The following ZNF780B variants were observed in gnomAD, a reference collection of about 807,000 sequenced individuals.
ZNF780B encodes the protein zinc finger protein 779.
Under a neutral mutation model 74.1 loss-of-function variants are expected in ZNF780B, and 52 were observed. That is an observed-to-expected ratio of 0.70 (90% CI 0.56 to 0.88). ZNF780B has a LOEUF of 0.88. Ranked by LOEUF, ZNF780B falls within the 40% of genes least tolerant of loss-of-function variation. The pLI, the probability that ZNF780B is intolerant of heterozygous loss-of-function variation, is 0.00. For synonymous variants in ZNF780B, 315 were observed against 324.3 expected, an observed-to-expected ratio of 0.97 and a Z score of 0.31; for missense variants, 953 against 1,007.6, an observed-to-expected ratio of 0.95 and a Z score of 0.73.
At chr19:40,045,369 G>C (rs1016894787) in intron 4 of ZNF780B, among the ~76,000 whole-genome samples, 1 of 152,164 alleles carries the variant, frequency 6.6e-6, no homozygotes, top group African/African-American at 2.4e-5. Context: ...TATACTGTTG[G>C]TGGGATATAA....
Position 40,048,777 on chromosome 19 carries a change from T to C in ZNF780B, c.29A>G (p.Asp10Gly). Residue 10 changes from aspartate (D) to glycine (G), a missense_variant, in exon 3 of 5, where the codon GAT (aspartate) becomes GGT (glycine). Asp to Gly is a moderately conservative substitution (Grantham distance 94, BLOSUM62 -1). Coordinates refer to ENST00000434248, the MANE Select transcript of ZNF780B (RefSeq NM_001005851.3). Reference protein sequence around the residue: MVHGSVTFRDVAIDFSQEEW... With the variant: MVHGSVTFRGVAIDFSQEEW... Reference sequence around the variant, plus strand: ...CTCCTGAGAGAAGTCAATGGCCACATCCCTGAATGTCACTGATCCCTGAAA... The same window carrying C: ...CTCCTGAGAGAAGTCAATGGCCACACCCCTGAATGTCACTGATCCCTGAAA... 2.5e-6 allele frequency: 4 copies of C among 1,614,132 alleles called. No individual in the cohort carries two copies. Among genetic ancestry groups the C allele is most frequent in the Non-Finnish European group, 3.4e-6 (4 of 1,180,020 alleles).
At position 40,028,519 on chromosome 19, in the gene ZNF780B, C is replaced by T. The variant is rs1006318736; in HGVS notation, c.*5838G>A. ...ATAGACACTCTGTTCTCTACAGATCCGTGCTTTGGAATTACAGAACATAAA... is the reference window on the plus strand; with the variant it reads ...ATAGACACTCTGTTCTCTACAGATCTGTGCTTTGGAATTACAGAACATAAA... On this transcript the variant is annotated 3_prime_UTR_variant, in exon 5 of 5. Coordinates refer to ENST00000434248, the MANE Select transcript of ZNF780B (RefSeq NM_001005851.3). The T allele has an allele frequency of 3.3e-5, 5 of 152,068 alleles. No individual in the cohort carries two copies. The highest frequency in any genetic ancestry group is 1.9e-4 in the East Asian group (1 of 5,192). The allele number at this position is 152,068 out of a possible 1,614,324, so 9.4% of individuals were successfully genotyped here. A position where few individuals can be genotyped will look rare whatever the true frequency, so the allele number is the denominator to read the frequency against.
At chr19:40,048,464 A>G (rs956999053) in intron 3 of ZNF780B, among the ~76,000 whole-genome samples, 7 of 152,358 alleles carry the variant, frequency 4.6e-5, no homozygotes, top group Middle Eastern at 3.4e-3. Context: ...GATGACCAGC[A>G]TAATGGAGGA....
Position 40,050,313 on chromosome 19 carries a change from C to T in ZNF780B, c.9+11G>A. On this transcript the variant is annotated intron_variant, in intron 2 of 4. Coordinates refer to ENST00000434248, the MANE Select transcript of ZNF780B (RefSeq NM_001005851.3). Reference sequence around the variant, plus strand: ...TCACCATATTTCAAGAAGACAGAAACACCAACTTACATGGACCATGTTTCT... The same window carrying T: ...TCACCATATTTCAAGAAGACAGAAATACCAACTTACATGGACCATGTTTCT... 6.3e-7 allele frequency: 1 copy of T among 1,589,998 alleles called. No homozygotes were observed. The highest frequency in any genetic ancestry group is 8.5e-7 in the Non-Finnish European group (1 of 1,174,748).
chr19:40,029,698 G>A lies in ZNF780B; in HGVS notation c.*4659C>T, dbSNP rs1424502969. 1 of 152,220 alleles carries A rather than the reference G, an allele frequency of 6.6e-6. No homozygotes were observed. The highest frequency in any genetic ancestry group is 1.9e-4 in the East Asian group (1 of 5,184). The allele number at this position is 152,220 out of a possible 1,614,324, so 9.4% of individuals were successfully genotyped here. On this transcript the variant is annotated 3_prime_UTR_variant, in exon 5 of 5. Coordinates refer to ENST00000434248, the MANE Select transcript of ZNF780B (RefSeq NM_001005851.3). ...TCTTTTTTCCTCTAAAAGGAACCAG[G>A]ACTCCCTAAGATAAGAGGGTATTAA...
In ZNF780B at chr19:40,035,126, A is replaced by C. The variant is rs1463362411; in HGVS notation, c.1733T>G (p.Ile578Ser). 6.2e-6 allele frequency: 10 copies of C among 1,613,516 alleles called. No individual in the cohort carries two copies. In the East Asian group the frequency reaches 8.9e-5, roughly 14 times the overall value. Residue 578 changes from isoleucine to serine, a missense_variant, in exon 5 of 5, where the codon ATT becomes AGT. Physicochemically the swap from Ile to Ser is moderately radical, Grantham distance 142. Coordinates refer to ENST00000434248, the MANE Select transcript of ZNF780B (RefSeq NM_001005851.3). ...TTCAAAGGGTTTCTTTCCGGTATGA[A>C]TACTTCGATGTTGATTAAGATTTGA... ...RGSNLNQHRS[I>S]HTGKKPFECK...
In ZNF780B at chr19:40,029,911, AAATAAT is replaced by A. The variant is rs1453190220; in HGVS notation, c.*4440_*4445del. 6.6e-6 allele frequency: 1 copy of A among 152,242 alleles called. No homozygotes were observed. Among genetic ancestry groups the A allele is most frequent in the Non-Finnish European group, 1.5e-5 (1 of 68,044 alleles). 9.4% of individuals were successfully genotyped at this position (152,242 alleles called of 1,614,324 possible). ...GGCCACATTATGTCAATTTGAGCAT[AAATAAT>A]AATAATTACTACAGGTGCTTCTCAA... is the stretch of plus-strand genomic sequence containing the variant. On this transcript the variant is annotated 3_prime_UTR_variant, in exon 5 of 5. Transcript: ENST00000434248.
chr19:40,035,838 C>T lies in ZNF780B; in HGVS notation c.1021G>A (p.Ala341Thr). Reference protein sequence around the residue: ...KPFECKECRKAFTLLTKLVRH... With the variant: ...KPFECKECRKTFTLLTKLVRH... The stretch of plus-strand genomic sequence containing the variant: ...ACAAGCTTTGTCAGAAGAGTAAAGG[C>T]CTTTCTGCATTCTTTACATTCAAAG... Residue 341 changes from alanine (A) to threonine (T), a missense_variant, in exon 5 of 5, where the codon GCC becomes ACC. Transcript: ENST00000434248. The T allele has an allele frequency of 6.2e-7, 1 of 1,613,934 alleles. No individual in the cohort carries two copies. Among genetic ancestry groups the T allele is most frequent in the Non-Finnish European group, 8.5e-7 (1 of 1,180,000 alleles).
chr19:40,036,126 C>T lies in ZNF780B; in HGVS notation c.733G>A (p.Val245Ile). 3 of 1,613,830 alleles carry T rather than the reference C, an allele frequency of 1.9e-6. No individual in the cohort carries two copies. The Admixed American group carries it at 5.0e-5, about 27-fold the overall frequency. Reference sequence around the variant, plus strand: ...TCCTTACATTCAAACAGTTTCTTAACTGTGTGAATGTTCTTATGGCGATTA... The same window carrying T: ...TCCTTACATTCAAACAGTTTCTTAATTGTGTGAATGTTCTTATGGCGATTA... ...QLNRHKNIHT[V>I]KKLFECKECG... The change falls in exon 5 of 5, where the codon GTT (valine) becomes ATT (isoleucine). Residue 245 changes from valine to isoleucine, a missense_variant. By Grantham distance (29) the Val-to-Ile change is conservative. Transcript: ENST00000434248.
chr19:40,052,095 T>C (rs1369821677), intron 1 of ZNF780B, among the ~76,000 whole-genome samples: 1 of 152,230 alleles, frequency 6.6e-6, no homozygotes, highest in African/African-American at 2.4e-5. Flanking sequence ...GATTTCCATA[T>C]TACAGGACAC....
intron 4 of ZNF780B, 36 bp from the exon 5 acceptor site, chr19:40,036,662 TC>T: frequency 7.6e-7 from 1 of 1,309,312 alleles, no homozygotes; most frequent in Admixed American, 2.8e-5. Flanking sequence ...TATTTTATTT[TC>T]CTATAACATA....
Position 40,036,120 on chromosome 19 carries a change from T to G in ZNF780B, c.739A>C (p.Lys247Gln), listed in dbSNP as rs781401868. 2 of 1,613,952 alleles carry G rather than the reference T, an allele frequency of 1.2e-6. No individual in the cohort carries two copies. Among genetic ancestry groups the G allele is most frequent in the Non-Finnish European group, 1.7e-6 (2 of 1,179,930 alleles). ...NRHKNIHTVK[K>Q]LFECKECGKS... is the part of the protein sequence containing the mutation. ...CCACATTCCTTACATTCAAACAGTT[T>G]CTTAACTGTGTGAATGTTCTTATGG... The change falls in exon 5 of 5, where the codon AAA (lysine) becomes CAA (glutamine). Residue 247 changes from lysine (K) to glutamine (Q), a missense_variant. By Grantham distance (53) the Lys-to-Gln change is moderately conservative. Coordinates refer to ENST00000434248, the MANE Select transcript of ZNF780B (RefSeq NM_001005851.3).
At chr19:40,049,177 C>T (rs1350437698) in intron 2 of ZNF780B, 8 of 169,640 alleles carry the variant, frequency 4.7e-5, no homozygotes, top group East Asian at 1.8e-4. Context: ...AATGCTGCAG[C>T]GAAGTGTGAT....
At position 40,031,133 on chromosome 19, in the gene ZNF780B, T is replaced by A. The variant is rs1971983985; in HGVS notation, c.*3224A>T. 6.6e-6 allele frequency: 1 copy of A among 152,236 alleles called. No homozygotes were observed. The highest frequency in any genetic ancestry group is 1.9e-4 in the East Asian group (1 of 5,204). The allele number at this position is 152,236 out of a possible 1,614,324, so 9.4% of individuals were successfully genotyped here. A position where few individuals can be genotyped will look rare whatever the true frequency, so the allele number is the denominator to read the frequency against. On this transcript the variant is annotated 3_prime_UTR_variant, in exon 5 of 5. Transcript: ENST00000434248. ...ATATAAATTATCACTTTATAGATTT[T>A]TCAACACAATGGAATAAAATCACAA...
At chr19:40,047,621 T>C (rs568684722) in intron 3 of ZNF780B, 151 bp from the exon 4 acceptor site, 1 of 450,930 alleles carries the variant, frequency 2.2e-6, no homozygotes, top group Admixed American at 4.0e-5. Flanking sequence ...GGATCAACTA[T>C]GTTTAAAAAA....
At chr19:40,055,901 A>T (rs1973477337) in intron 1 of ZNF780B, 1 of 153,718 alleles carries the variant, frequency 6.5e-6, no homozygotes. Context: ...ACACTCACAC[A>T]GCCCCAGCAA....
At chr19:40,041,760 T>C (rs1052370009) in intron 4 of ZNF780B, among the ~76,000 whole-genome samples, 4 of 152,226 alleles carry the variant, frequency 2.6e-5, no homozygotes, top group African/African-American at 9.6e-5. Flanking sequence ...ATTTTCTTGG[T>C]AGATCTTCCT....
chr19:40,033,835 A>G lies in ZNF780B; in HGVS notation c.*522T>C. 1 of 191,912 alleles carries G rather than the reference A, an allele frequency of 5.2e-6. No individual in the cohort carries two copies. The highest frequency in any genetic ancestry group is 1.1e-5 in the Non-Finnish European group (1 of 89,736). 11.9% of individuals were successfully genotyped at this position (191,912 alleles called of 1,614,324 possible). A position where few individuals can be genotyped will look rare whatever the true frequency, so the allele number is the denominator to read the frequency against. ...GAACTAAGTCTAAAGGTCTTCCCAC[A>G]TCCTTTACATTCACAGGGTTGCTCA... On this transcript the variant is annotated 3_prime_UTR_variant, in exon 5 of 5. Coordinates refer to ENST00000434248, the MANE Select transcript of ZNF780B (RefSeq NM_001005851.3).
In ZNF780B at chr19:40,036,624, A is replaced by T; in HGVS notation, c.235T>A (p.Leu79Met). 6.6e-7 allele frequency: 1 copy of T among 1,514,936 alleles called. No homozygotes were observed. Among genetic ancestry groups the T allele is most frequent in the East Asian group, 2.3e-5 (1 of 43,370 alleles). 93.8% of individuals were successfully genotyped at this position (1,514,936 alleles called of 1,614,324 possible). A position where few individuals can be genotyped will look rare whatever the true frequency, so the allele number is the denominator to read the frequency against. Residue 79 changes from leucine (L) to methionine (M), a missense_variant and splice_region_variant, in exon 5 of 5, where the codon TTG becomes ATG. Leu to Met is a conservative substitution (Grantham distance 15, BLOSUM62 2). Coordinates refer to ENST00000434248, the MANE Select transcript of ZNF780B (RefSeq NM_001005851.3). ...TTCTCAGGTCCATATTTTGACTCCA[A>T]ATCTGAAAGAAATGAAGAAGGCAAA... is the stretch of plus-strand genomic sequence containing the variant. ...SKETSRWYPD[L>M]ESKYGPEKIS...
Sources: gnomAD v4.1 joint callset for allele counts (sites outside exome capture counted in the v4.1 genomes callset) on GRCh38, gnomAD v4.1.1 for gene constraint, MANE v1.5 for transcripts, NCBI Gene and HGNC (gene_info 2026-07-23, HGNC 2026-07-21) for gene names.